Variants in AKAP6 observed in about 807,000 individuals in gnomAD.
AKAP6 encodes A-kinase anchoring protein 6.
In AKAP6, 58 loss-of-function variants were observed where a neutral mutation model predicts 188.5. That is an observed-to-expected ratio of 0.31 (90% CI 0.25 to 0.38). AKAP6 has a LOEUF of 0.38. AKAP6 is among the 10% of genes least tolerant of loss of function. The pLI is 1.00. For synonymous variants in AKAP6, 989 were observed against 998.6 expected, an observed-to-expected ratio of 0.99 and a Z score of 0.18; for missense variants, 2,710 against 2,740.0, an observed-to-expected ratio of 0.99 and a Z score of 0.24.
chr14:32,580,230 A>G (rs1232836819), intron 5 of AKAP6, among the ~76,000 whole-genome samples: 1 of 152,090 alleles, frequency 6.6e-6, no homozygotes, highest in Non-Finnish European at 1.5e-5. Flanking sequence ...AATTGCAATG[A>G]TACATCAATG....
chr14:32,335,058 C>T (rs886376569), intron 1 of AKAP6, among the ~76,000 whole-genome samples: 1 of 152,132 alleles, frequency 6.6e-6, no homozygotes, highest in African/African-American at 2.4e-5. Flanking sequence ...TCAAACGATC[C>T]TCCCACTTCA....
chr14:32,585,775 T>C (rs1885207633), intron 5 of AKAP6, among the ~76,000 whole-genome samples: 1 of 152,090 alleles, frequency 6.6e-6, no homozygotes, highest in Non-Finnish European at 1.5e-5. Flanking sequence ...GGTAATTTGA[T>C]ATAGACCTCA....
intron 11 of AKAP6, among the ~76,000 whole-genome samples, chr14:32,770,614 T>C (rs2032868252): frequency 6.6e-6 from 1 of 152,188 alleles, no homozygotes; most frequent in African/African-American, 2.4e-5. Flanking sequence ...ACTTACTTGT[T>C]TTCCACTTTA....
chr14:32,511,384 T>G (rs946651819), intron 2 of AKAP6, among the ~76,000 whole-genome samples: 4 of 150,796 alleles, frequency 2.7e-5, no homozygotes, highest in South Asian at 2.1e-4. Context: ...TTTTTTTTTT[T>G]TTTTTTGAGA....
intron 1 of AKAP6, among the ~76,000 whole-genome samples, chr14:32,352,770 C>T (rs755732310): frequency 2.6e-5 from 4 of 152,302 alleles, no homozygotes; most frequent in East Asian, 3.9e-4. Context: ...TATTCCATTG[C>T]GTATGTGTAC....
chr14:32,563,840 A>G (rs1008083446), intron 4 of AKAP6, among the ~76,000 whole-genome samples: 1 of 152,236 alleles, frequency 6.6e-6, no homozygotes, highest in Non-Finnish European at 1.5e-5. Flanking sequence ...ATATAGGGAA[A>G]TTTATGCTAT....
intron 6 of AKAP6, among the ~76,000 whole-genome samples, chr14:32,599,995 A>G (rs1175862626): frequency 6.6e-5 from 10 of 152,164 alleles, no homozygotes; most frequent in Admixed American, 5.2e-4. Context: ...TTGGCCTTCA[A>G]CCAATTCTTA....
At chr14:32,567,981 A>G (rs886582299) in intron 4 of AKAP6, among the ~76,000 whole-genome samples, 1 of 152,136 alleles carries the variant, frequency 6.6e-6, no homozygotes, top group African/African-American at 2.4e-5. Flanking sequence ...AGTGGGGAAC[A>G]AAGGAGGGGA....
chr14:32,583,967 C>A (rs902318605), intron 5 of AKAP6, among the ~76,000 whole-genome samples: 2 of 152,224 alleles, frequency 1.3e-5, no homozygotes, highest in African/African-American at 4.8e-5. Context: ...GGCTCGCGCA[C>A]GGTGCGCTGC....
At chr14:32,496,871 A>G (rs117244559) in intron 2 of AKAP6, among the ~76,000 whole-genome samples, 10 of 152,304 alleles carry the variant, frequency 6.6e-5, no homozygotes, top group Non-Finnish European at 1.3e-4. Flanking sequence ...CTTATAATTG[A>G]AGTATGAGAG....
chr14:32,545,738 T>C lies in AKAP6; in HGVS notation c.1085T>C (p.Val362Ala). 1 of 1,614,194 alleles carries C rather than the reference T, an allele frequency of 6.2e-7. No homozygotes were observed. The highest frequency in any genetic ancestry group is 1.1e-5 in the South Asian group (1 of 91,080). The change falls in exon 4 of 14, where the codon GTT becomes GCT. Residue 362 changes from valine to alanine, a missense_variant. Physicochemically the swap from Val to Ala is moderately conservative, Grantham distance 64. Around this residue, in one of 2 missense-constraint regions of AKAP6, gnomAD observed 2,473 missense variants for 2,426.1 expected, o/e 1.02. Transcript: ENST00000280979. ...CATGATGCAAAGAATCAGCAGCCTG[T>C]TCCTTGTGAAAATGCAACCCCCAAA... The part of the protein sequence containing the change: ...SHHDAKNQQP[V>A]PCENATPKRT...
At chr14:32,778,711 A>ATTTTT (rs61493362) in intron 12 of AKAP6, among the ~76,000 whole-genome samples, 1 of 135,918 alleles carries the variant, frequency 7.4e-6, no homozygotes, top group Non-Finnish European at 1.5e-5. Context: ...ATACCCAGCA[A>ATTTTT]TTTTTTTTTT....
chr14:32,451,290 G>A (rs952393188), intron 2 of AKAP6, among the ~76,000 whole-genome samples: 1 of 152,142 alleles, frequency 6.6e-6, no homozygotes. Flanking sequence ...TTAGTGAGTT[G>A]AATAATTTAT....
intron 1 of AKAP6, chr14:32,384,998 T>C (rs1888482344): frequency 6.6e-6 from 1 of 152,082 alleles, no homozygotes; most frequent in Admixed American, 6.6e-5. Context: ...TTTGATCTGC[T>C]TGGCATTAGG....
chr14:32,820,764 A>C (rs2034498295), intron 12 of AKAP6, among the ~76,000 whole-genome samples: 1 of 152,144 alleles, frequency 6.6e-6, no homozygotes. Flanking sequence ...AAGTGTTGCT[A>C]GTCTTATGTC....
At chr14:32,539,576 G>A (rs1430594654) in intron 3 of AKAP6, among the ~76,000 whole-genome samples, 2 of 152,136 alleles carry the variant, frequency 1.3e-5, no homozygotes, top group East Asian at 3.9e-4. Flanking sequence ...GGAAGAGGGA[G>A]ACATAATTTC....
chr14:32,682,928 G>A (rs1168513326), intron 8 of AKAP6, among the ~76,000 whole-genome samples: 2 of 152,006 alleles, frequency 1.3e-5, no homozygotes, highest in African/African-American at 2.4e-5. Flanking sequence ...AGAAAGTCTA[G>A]GGGTGGAGAC....
chr14:32,797,213 G>C (rs2033797879), intron 12 of AKAP6, among the ~76,000 whole-genome samples: 1 of 152,196 alleles, frequency 6.6e-6, no homozygotes, highest in Non-Finnish European at 1.5e-5. Context: ...GTGGAAGACA[G>C]TGTGGCAATT....
Position 32,830,212 on chromosome 14 carries a change from C to G in AKAP6, c.*407C>G, listed in dbSNP as rs756563475. ...AATTCTCCTGTCTAGAATGACCCCC[C>G]CACCAGTACTTGACCAATTTCATGT... On this transcript the variant is annotated 3_prime_UTR_variant, in exon 14 of 14. Coordinates refer to ENST00000280979, the MANE Select transcript of AKAP6 (RefSeq NM_004274.5). 1 of 430,658 alleles carries G rather than the reference C, an allele frequency of 2.3e-6. No homozygotes were observed. The highest frequency in any genetic ancestry group is 4.6e-5 in the South Asian group (1 of 21,660). The allele number at this position is 430,658 out of a possible 1,614,324, so 26.7% of individuals were successfully genotyped here.
Sources: gnomAD v4.1 joint callset for allele counts (sites outside exome capture counted in the v4.1 genomes callset) on GRCh38, gnomAD v4.1.1 for gene constraint, gnomAD v4.1.1 regional missense constraint, MANE v1.5 for transcripts, NCBI Gene and HGNC (gene_info 2026-07-23, HGNC 2026-07-21) for gene names.